HDDC2: variants seen among roughly 807,000 people sequenced by gnomAD.
HDDC2 encodes the protein HD domain containing 2.
A neutral mutation model predicts 25.5 loss-of-function variants in HDDC2; 25 were observed. That is an observed-to-expected ratio of 0.98 (90% CI 0.72 to 1.37). HDDC2 has a LOEUF of 1.37. HDDC2 is among the 40% of genes most tolerant of loss of function. HDDC2 has a pLI of 0.00. For synonymous variants in HDDC2, 106 were observed against 89.7 expected, an observed-to-expected ratio of 1.18 and a Z score of -1.03; for missense variants, 264 against 253.1, an observed-to-expected ratio of 1.04 and a Z score of -0.29.
chr6:125,281,923 G>A (rs898961334), intron 4 of HDDC2, among the ~76,000 whole-genome samples: 6 of 152,118 alleles, frequency 3.9e-5, no homozygotes, highest in South Asian at 2.1e-4. Flanking sequence ...TAGAAATAGA[G>A]GAAAAAATGT....
chr6:125,280,067 C>T (rs1798434141), intron 4 of HDDC2, among the ~76,000 whole-genome samples: 1 of 152,154 alleles, frequency 6.6e-6, no homozygotes, highest in African/African-American at 2.4e-5. Flanking sequence ...ACTGGTTAGA[C>T]AGTGGGTATA....
chr6:125,298,558 CTA>C (rs1163077401), intron 3 of HDDC2, 154 bp downstream of exon 3: 1 of 626,240 alleles, frequency 1.6e-6, no homozygotes, highest in Non-Finnish European at 2.8e-6. Context: ...CCCTGAATCT[CTA>C]AAAATATCTT....
Position 125,298,802 on chromosome 6 carries a change from G to A in HDDC2, c.221C>T (p.Ala74Val), listed in dbSNP as rs1798750242. The A allele has an allele frequency of 6.2e-7, 1 of 1,613,488 alleles. No homozygotes were observed. The highest frequency in any genetic ancestry group is 8.5e-7 in the Non-Finnish European group (1 of 1,179,548). ...RLNKDRCVRL[A>V]LVHDMAECIV... ...GCATTCTGCCATATCATGAACCAGG[G>A]CTAGGCGTACACATCTGATCAGGCA... Residue 74 changes from alanine (A) to valine (V), a missense_variant, in exon 3 of 6, where the codon GCC becomes GTC. Transcript: ENST00000398153.
intron 4 of HDDC2, among the ~76,000 whole-genome samples, chr6:125,284,031 G>T (rs1798497389): frequency 6.6e-6 from 1 of 152,126 alleles, no homozygotes; most frequent in Non-Finnish European, 1.5e-5. Flanking sequence ...ACAACCATCT[G>T]ATCTTTGACA....
chr6:125,301,388 T>C (rs868768855), intron 1 of HDDC2, among the ~76,000 whole-genome samples: 19 of 151,486 alleles, frequency 1.3e-4, no homozygotes, highest in African/African-American at 4.4e-4. Flanking sequence ...ACTTAAAATC[T>C]GAGGAGCCGA....
intron 4 of HDDC2, among the ~76,000 whole-genome samples, chr6:125,285,282 C>T (rs1798514586): frequency 6.6e-6 from 1 of 151,710 alleles, no homozygotes; most frequent in Non-Finnish European, 1.5e-5. Flanking sequence ...CCTGCACGTT[C>T]TGCACATGTA....
chr6:125,282,347 CAA>C (rs372177911), intron 4 of HDDC2, among the ~76,000 whole-genome samples: 7 of 112,470 alleles, frequency 6.2e-5, no homozygotes, highest in Admixed American at 9.7e-5. Context: ...GACTCCATCT[CAA>C]AAAAAAAAAA....
chr6:125,276,294 T>G (rs760602671), intron 5 of HDDC2, 51 bp from the exon 6 acceptor site: 1 of 1,338,518 alleles, frequency 7.5e-7, no homozygotes, highest in South Asian at 1.2e-5. Flanking sequence ...GACAAGAGAG[T>G]ATATTCATTT....
intron 4 of HDDC2, among the ~76,000 whole-genome samples, chr6:125,285,259 C>T (rs1583050894): frequency 6.6e-6 from 1 of 151,816 alleles, no homozygotes; most frequent in South Asian, 2.1e-4. Context: ...CACATGTATA[C>T]CTAGGTAACA....
At position 125,276,026 on chromosome 6, in the gene HDDC2, A is replaced by G; in HGVS notation, c.*120T>C. ...TATCACATTTCTTGCTGAAGTTCAGACAATTGAAAACAAACAGACTCACAT... is the reference window on the plus strand; with the variant it reads ...TATCACATTTCTTGCTGAAGTTCAGGCAATTGAAAACAAACAGACTCACAT... On this transcript the variant is annotated 3_prime_UTR_variant, in exon 6 of 6. Transcript: ENST00000398153. 1 of 732,858 alleles carries G rather than the reference A, an allele frequency of 1.4e-6. No individual in the cohort carries two copies. Among genetic ancestry groups the G allele is most frequent in the Non-Finnish European group, 2.3e-6 (1 of 427,994 alleles). 45.4% of individuals were successfully genotyped at this position (732,858 alleles called of 1,614,324 possible).
intron 3 of HDDC2, 154 bp downstream of exon 3, chr6:125,298,560 A>C: frequency 6.4e-6 from 4 of 627,700 alleles, no homozygotes; most frequent in Non-Finnish European, 1.1e-5. Flanking sequence ...CTGAATCTCT[A>C]AAAATATCTT....
chr6:125,287,517 C>T (rs1318567844), intron 4 of HDDC2, among the ~76,000 whole-genome samples: 2 of 152,056 alleles, frequency 1.3e-5, no homozygotes, highest in Non-Finnish European at 2.9e-5. Flanking sequence ...ATAAAAATGG[C>T]AGAAGAGAAC....
intron 4 of HDDC2, among the ~76,000 whole-genome samples, chr6:125,290,039 T>G (rs550631762): frequency 6.6e-6 from 1 of 152,252 alleles, no homozygotes; most frequent in Non-Finnish European, 1.5e-5. Flanking sequence ...TGCAAATAGA[T>G]GTGATCCTCT....
chr6:125,289,637 C>T (rs1798601066), intron 4 of HDDC2, among the ~76,000 whole-genome samples: 1 of 152,148 alleles, frequency 6.6e-6, no homozygotes, highest in Non-Finnish European at 1.5e-5. Flanking sequence ...AGTGACTCTC[C>T]CTCCAGGGTT....
chr6:125,280,329 C>T (rs779109978), intron 4 of HDDC2, among the ~76,000 whole-genome samples: 7 of 152,134 alleles, frequency 4.6e-5, no homozygotes, highest in Non-Finnish European at 8.8e-5. Context: ...GGGCAGACAC[C>T]GAGCTAGCTA....
intron 1 of HDDC2, among the ~76,000 whole-genome samples, chr6:125,301,616 A>G (rs1214751131): frequency 1.3e-5 from 2 of 152,084 alleles, no homozygotes; most frequent in Non-Finnish European, 2.9e-5. Flanking sequence ...GCCAGGCTCT[A>G]GGCTCAGACT....
At chr6:125,296,394 C>T (rs2115116508) in intron 3 of HDDC2, among the ~76,000 whole-genome samples, 1 of 152,238 alleles carries the variant, frequency 6.6e-6, no homozygotes, top group South Asian at 2.1e-4. Context: ...CTGATGTAGC[C>T]AGCAAGGGCA....
chr6:125,287,417 A>G (rs149065076), intron 4 of HDDC2, among the ~76,000 whole-genome samples: 52 of 152,322 alleles, frequency 3.4e-4, no homozygotes, highest in African/African-American at 1.2e-3. Flanking sequence ...TAGTTAGAAG[A>G]AAGTTATCTT....
At chr6:125,297,118 C>A (rs1416465711) in intron 3 of HDDC2, among the ~76,000 whole-genome samples, 1 of 152,150 alleles carries the variant, frequency 6.6e-6, no homozygotes, top group African/African-American at 2.4e-5. Context: ...TAAAACTATC[C>A]TACAATGAGC....
Sources: gnomAD v4.1 joint callset for allele counts (sites outside exome capture counted in the v4.1 genomes callset) on GRCh38, gnomAD v4.1.1 for gene constraint, MANE v1.5 for transcripts, NCBI Gene and HGNC (gene_info 2026-07-23, HGNC 2026-07-21) for gene names.